Variants in MAP3K5 observed in about 807,000 individuals in gnomAD.
MAP3K5 encodes the protein mitogen-activated protein kinase kinase kinase 5.
A neutral mutation model predicts 158.7 loss-of-function variants in MAP3K5; 56 were observed. That is an observed-to-expected ratio of 0.35 (90% confidence interval 0.28 to 0.44). The LOEUF is 0.44. Ranked by LOEUF, MAP3K5 falls within the 20% of genes least tolerant of loss-of-function variation. The pLI, the probability that MAP3K5 is intolerant of heterozygous loss-of-function variation, is 1.00. For synonymous variants in MAP3K5, 579 were observed against 601.7 expected (o/e 0.96, Z 0.55); for missense variants, 1,294 against 1,674.8 (o/e 0.77, Z 3.97).
At chr6:136,636,077 T>A (rs1418011152) in intron 14 of MAP3K5, among the ~76,000 whole-genome samples, 1 of 152,204 alleles carries the variant, frequency 6.6e-6, no homozygotes, top group African/African-American at 2.4e-5. Flanking sequence ...ATTTTCAGTA[T>A]GGCTTGGTGC....
At chr6:136,598,199 A>G (rs564961517) in intron 21 of MAP3K5, among the ~76,000 whole-genome samples, 19 of 152,306 alleles carry the variant, frequency 1.2e-4, no homozygotes, top group African/African-American at 4.6e-4. Context: ...CACACAGTAA[A>G]GTTTCACACA....
intron 14 of MAP3K5, chr6:136,629,411 A>C (rs1201978841): frequency 6.6e-6 from 1 of 152,190 alleles, no homozygotes; most frequent in Non-Finnish European, 1.5e-5. Context: ...TGCAGGTACA[A>C]ATATCTAGTG....
chr6:136,693,848 C>T (rs530725997), intron 7 of MAP3K5, among the ~76,000 whole-genome samples: 43 of 152,128 alleles, frequency 2.8e-4, no homozygotes, highest in African/African-American at 9.2e-4. Context: ...AATTAGTGGG[C>T]GTGGTGGCGG....
chr6:136,752,048 A>T (rs1783233115), intron 1 of MAP3K5, among the ~76,000 whole-genome samples: 1 of 152,196 alleles, frequency 6.6e-6, no homozygotes, highest in East Asian at 1.9e-4. Context: ...GAGTTCAAAA[A>T]AAATTTTTAC....
At chr6:136,563,103 C>T (rs1830590812) in intron 26 of MAP3K5, among the ~76,000 whole-genome samples, 1 of 152,016 alleles carries the variant, frequency 6.6e-6, no homozygotes, top group Non-Finnish European at 1.5e-5. Context: ...AATGAGCTCC[C>T]AGATGACACT....
At chr6:136,614,976 G>A (rs1349072088) in intron 15 of MAP3K5, among the ~76,000 whole-genome samples, 6 of 152,090 alleles carry the variant, frequency 3.9e-5, no homozygotes, top group African/African-American at 1.2e-4. Context: ...CATTGAAAGT[G>A]TGACTTCAAA....
At chr6:136,635,080 T>A (rs1777556203) in intron 14 of MAP3K5, among the ~76,000 whole-genome samples, 1 of 151,312 alleles carries the variant, frequency 6.6e-6, no homozygotes, top group Non-Finnish European at 1.5e-5. Flanking sequence ...TAAGATGCAG[T>A]TAGTTCCTGA....
rs377276921 is a variant in MAP3K5, at chr6:136,605,217, T to C, written c.2671A>G (p.Met891Val). 6.2e-6 allele frequency: 10 copies of C among 1,613,630 alleles called. No individual in the cohort carries two copies. Among genetic ancestry groups the C allele is most frequent in the Admixed American group, 3.3e-5 (2 of 59,890 alleles). The change falls in exon 19 of 30, where the codon ATG becomes GTG. Residue 891 changes from methionine to valine, a missense_variant. Transcript: ENST00000359015. ...FYELGEPQAA[M>V]FKVGMFKVHP... The stretch of plus-strand genomic sequence containing the variant: ...GAGAAATGAAGTGTGACCTTGAACA[T>C]AGCTGCTTGTGGTTCTCCCAGTTCA...
intron 2 of MAP3K5, among the ~76,000 whole-genome samples, chr6:136,712,800 G>A (rs1249008517): frequency 2.0e-5 from 3 of 152,170 alleles, no homozygotes; most frequent in African/African-American, 4.8e-5. Flanking sequence ...TCTCGTGGTA[G>A]TGAATAAGTC....
intron 1 of MAP3K5, among the ~76,000 whole-genome samples, chr6:136,737,584 G>A (rs117909668): frequency 0.013 from 1,934 of 152,276 alleles, 20 homozygotes; most frequent in Non-Finnish European, 0.022. Context: ...TTCTTATCAC[G>A]CTGCCCAGGA....
rs1165128568 is a variant in MAP3K5, at chr6:136,684,005, T to A, written c.1253+10135A>T. ...CCAGCACTTTGGGAAGCTGGGGTGT[T>A]AGTATCACTTTGCTCCAGGTATTTG... is the stretch of plus-strand genomic sequence containing the variant. On this transcript the variant is annotated intron_variant, in intron 7 of 29. Transcript: ENST00000359015. Among the ~76,000 whole-genome samples the A allele has an allele frequency of 2.0e-5, 3 of 152,198 alleles. No homozygotes were observed. In the East Asian group the frequency reaches 5.8e-4, roughly 29 times the overall value.
In MAP3K5 at chr6:136,769,767, GGAAGGAAGGAAGGAAGGAAGGA is replaced by G. The variant is rs1784106875; in HGVS notation, c.448+21921_448+21942del. 3.1e-3 allele frequency among the ~76,000 whole-genome samples: 134 copies of G among 42,634 alleles called. 6 individuals carry two copies. The highest frequency in any genetic ancestry group is 0.012 in the African/African-American group (107 of 9,168). 28.0% of individuals were successfully genotyped at this position (42,634 alleles called of 152,430 possible). ...AGGAAGGAAGGAAGGAAGGAAGGAA[GGAAGGAAGGAAGGAAGGAAGGA>G]AGGAAGGGAGGGAGGGAGGGAGGGG... On this transcript the variant is annotated intron_variant, in intron 1 of 29. Transcript: ENST00000359015.
chr6:136,651,160 C>CAA (rs1778504398), intron 10 of MAP3K5, 69 bp from the exon 11 acceptor site: 2 of 729,910 alleles, frequency 2.7e-6, no homozygotes, highest in East Asian at 2.8e-5. Context: ...GCTGCTATAA[C>CAA]ACCCCAGCAC....
In MAP3K5 at chr6:136,575,354, C is replaced by T. The variant is rs894608232; in HGVS notation, c.3517+4947G>A. Among the ~76,000 whole-genome samples, 7 of 151,570 alleles carry T rather than the reference C, an allele frequency of 4.6e-5. No homozygotes were observed. The South Asian group carries it at 6.3e-4, about 14-fold the overall frequency. On this transcript the variant is annotated intron_variant, in intron 25 of 29. Transcript: ENST00000359015. ...TTTTTGTATTTTTCATGTAGAGATG[C>T]GGTTTTGCCACACTGCCTGGGGTGA...
intron 14 of MAP3K5, among the ~76,000 whole-genome samples, chr6:136,635,219 T>C (rs1777566627): frequency 6.6e-6 from 1 of 152,072 alleles, no homozygotes; most frequent in Non-Finnish European, 1.5e-5. Context: ...ATATGATTGA[T>C]AGAATTGTTT....
chr6:136,747,614 T>C (rs1479765997), intron 1 of MAP3K5, among the ~76,000 whole-genome samples: 1 of 152,142 alleles, frequency 6.6e-6, no homozygotes, highest in Non-Finnish European at 1.5e-5. Flanking sequence ...AAACAATGGA[T>C]TGAAGAATAA....
intron 21 of MAP3K5, among the ~76,000 whole-genome samples, chr6:136,597,313 G>A (rs1200234727): frequency 6.6e-5 from 10 of 152,208 alleles, no homozygotes; most frequent in South Asian, 2.1e-4. Flanking sequence ...GAGACAGTGC[G>A]ACCTTTAAGG....
rs74400682 is a variant in MAP3K5 at position 136,568,302 on chromosome 6, G to A, written c.3518-428C>T. Among the ~76,000 whole-genome samples the A allele has an allele frequency of 8.1e-3, 1,237 of 152,322 alleles. 16 individuals are homozygous for A. The highest frequency in any genetic ancestry group is 0.028 in the African/African-American group (1,143 of 41,562). ...ACTTGCTTACAGATAAGGAAAGTGA[G>A]CTATACAGAGATTATATAAACACAC... On this transcript the variant is annotated intron_variant, in intron 25 of 29. Transcript: ENST00000359015.
chr6:136,656,557 A>G (rs1172473520), intron 9 of MAP3K5, 97 bp from the exon 10 acceptor site: 10 of 727,968 alleles, frequency 1.4e-5, no homozygotes, highest in East Asian at 1.3e-4. Flanking sequence ...TTTATACATG[A>G]CATTAATAGT....
Sources: allele counts gnomAD v4.1 joint callset (sites outside exome capture counted in the v4.1 genomes callset), GRCh38; gene constraint gnomAD v4.1.1; transcripts MANE v1.5; gene names NCBI Gene and HGNC (gene_info 2026-07-23, HGNC 2026-07-21).